Variants in CAMK1D observed in about 807,000 individuals in gnomAD.
CAMK1D encodes the protein calcium/calmodulin-dependent protein kinase type 1D.
Under a neutral mutation model 47.7 loss-of-function variants are expected in CAMK1D, and 9 were observed. That is an observed-to-expected ratio of 0.19 (90% confidence interval 0.11 to 0.33). CAMK1D has a LOEUF of 0.33. Ranked by LOEUF, CAMK1D falls within the 10% of genes least tolerant of loss-of-function variation. CAMK1D has a pLI of 1.00. For synonymous variants in CAMK1D, 184 were observed against 184.9 expected, an observed-to-expected ratio of 0.99 and a Z score of 0.04; for missense variants, 291 against 488.7, an observed-to-expected ratio of 0.60 and a Z score of 3.81.
intron 6 of CAMK1D, among the ~76,000 whole-genome samples, chr10:12,799,772 G>C (rs1435144238): frequency 1.3e-5 from 2 of 152,102 alleles, no homozygotes; most frequent in East Asian, 3.9e-4. Context: ...CACATGCTCC[G>C]GGCTTTCTCG....
At chr10:12,611,335 G>A (rs1259533963) in intron 2 of CAMK1D, among the ~76,000 whole-genome samples, 4 of 152,082 alleles carry the variant, frequency 2.6e-5, no homozygotes, top group East Asian at 3.9e-4. Flanking sequence ...CTAGAGCCTC[G>A]AAGTGCCCCC....
intron 1 of CAMK1D, among the ~76,000 whole-genome samples, chr10:12,505,864 CCT>C: frequency 6.6e-6 from 1 of 151,988 alleles, no homozygotes; most frequent in Admixed American, 6.6e-5. Flanking sequence ...TCATCTTCCT[CCT>C]CCTCCTCCTC....
intron 1 of CAMK1D, among the ~76,000 whole-genome samples, chr10:12,542,974 G>A (rs1177695871): frequency 1.3e-5 from 2 of 152,002 alleles, no homozygotes; most frequent in African/African-American, 4.8e-5. Flanking sequence ...TTGAACTCCT[G>A]ACCTCAGGTG....
At chr10:12,588,931 A>T (rs1295536799) in intron 2 of CAMK1D, among the ~76,000 whole-genome samples, 3 of 151,786 alleles carry the variant, frequency 2.0e-5, no homozygotes, top group Non-Finnish European at 2.9e-5. Flanking sequence ...CTATATATAC[A>T]TGTATACAAT....
At chr10:12,422,709 G>C (rs1840097384) in intron 1 of CAMK1D, among the ~76,000 whole-genome samples, 1 of 151,572 alleles carries the variant, frequency 6.6e-6, no homozygotes, top group African/African-American at 2.4e-5. Context: ...GTCTCAGTCT[G>C]TCGCCCAGGC....
intron 3 of CAMK1D, among the ~76,000 whole-genome samples, chr10:12,691,611 T>G (rs1344667828): frequency 6.6e-6 from 1 of 151,362 alleles, no homozygotes; most frequent in African/African-American, 2.4e-5. Flanking sequence ...ATTTTTTGTA[T>G]TTTTAGTAGA....
At chr10:12,564,513 T>C (rs1439056089) in intron 2 of CAMK1D, among the ~76,000 whole-genome samples, 2 of 152,042 alleles carry the variant, frequency 1.3e-5, no homozygotes. Flanking sequence ...GTTTGAAGAG[T>C]TGTTTACTGT....
chr10:12,674,599 C>CTTT (rs11391139), intron 3 of CAMK1D, among the ~76,000 whole-genome samples: 840 of 63,428 alleles, frequency 0.013, 78 homozygotes, highest in East Asian at 0.035. Flanking sequence ...TGGAAAAATG[C>CTTT]TTTTTTTTTT....
At chr10:12,709,312 G>A (rs1181559274) in intron 3 of CAMK1D, among the ~76,000 whole-genome samples, 1 of 152,112 alleles carries the variant, frequency 6.6e-6, no homozygotes, top group African/African-American at 2.4e-5. Context: ...TGCTAAGGCC[G>A]TGGTTGGAGG....
rs139922382 is a variant in CAMK1D, at chr10:12,400,605, A to G, written c.92+50695A>G. The stretch of plus-strand genomic sequence containing the variant: ...CAAATTTTAATCCCTACTAAATAGT[A>G]TATAAAATGTAATTGTCTTGATGTT... On this transcript the variant is annotated intron_variant, in intron 1 of 10. Coordinates refer to ENST00000619168, the MANE Select transcript of CAMK1D (RefSeq NM_153498.4). Among the ~76,000 whole-genome samples, 24 of 152,264 alleles carry G rather than the reference A, an allele frequency of 1.6e-4. No homozygotes were observed. The East Asian group carries it at 4.4e-3, about 28-fold the overall frequency.
intron 3 of CAMK1D, among the ~76,000 whole-genome samples, chr10:12,758,645 C>G (rs1836347709): frequency 6.6e-6 from 1 of 152,164 alleles, no homozygotes; most frequent in Non-Finnish European, 1.5e-5. Context: ...TTTTTTCATT[C>G]AGTAGAATTC....
intron 6 of CAMK1D, among the ~76,000 whole-genome samples, chr10:12,792,987 C>T (rs1041197258): frequency 1.1e-4 from 16 of 151,604 alleles, no homozygotes; most frequent in South Asian, 4.2e-4. Context: ...CACACACGCA[C>T]GCACACAATT....
chr10:12,611,739 G>A (rs1838632344), intron 2 of CAMK1D, among the ~76,000 whole-genome samples: 2 of 151,532 alleles, frequency 1.3e-5, no homozygotes, highest in African/African-American at 4.8e-5. Context: ...TTACAGACAC[G>A]TGCCACCACG....
chr10:12,582,491 C>G (rs1837691189), intron 2 of CAMK1D, among the ~76,000 whole-genome samples: 1 of 152,164 alleles, frequency 6.6e-6, no homozygotes, highest in African/African-American at 2.4e-5. Context: ...AATATTGATT[C>G]TACCTATCCA....
chr10:12,793,627 C>T (rs1212335431), intron 6 of CAMK1D, among the ~76,000 whole-genome samples: 1 of 152,220 alleles, frequency 6.6e-6, no homozygotes, highest in African/African-American at 2.4e-5. Context: ...TTGCAGACAG[C>T]CACCTTCTTG....
At chr10:12,501,994 C>T (rs1834718499) in intron 1 of CAMK1D, among the ~76,000 whole-genome samples, 1 of 152,126 alleles carries the variant, frequency 6.6e-6, no homozygotes, top group South Asian at 2.1e-4. Flanking sequence ...GAAGCCTGGA[C>T]TGTGCTGAGC....
chr10:12,788,057 TCAAATTCTTGACA>T (rs1284959821), intron 5 of CAMK1D, among the ~76,000 whole-genome samples: 1 of 152,254 alleles, frequency 6.6e-6, no homozygotes, highest in African/African-American at 2.4e-5. Context: ...ATATTCTTGT[TCAAATTCTTGACA>T]CAAATATGTA....
chr10:12,676,792 A>T (rs1006518645), intron 3 of CAMK1D, among the ~76,000 whole-genome samples: 1 of 152,218 alleles, frequency 6.6e-6, no homozygotes, highest in East Asian at 1.9e-4. Flanking sequence ...GATATTCGTT[A>T]TGATTCAAGA....
intron 5 of CAMK1D, among the ~76,000 whole-genome samples, chr10:12,782,463 A>G (rs915838757): frequency 2.0e-5 from 3 of 152,146 alleles, no homozygotes; most frequent in Admixed American, 6.5e-5. Context: ...ATTTTTCCTG[A>G]TCTTTAAGTT....
Sources: allele counts gnomAD v4.1 joint callset (sites outside exome capture counted in the v4.1 genomes callset), GRCh38; gene constraint gnomAD v4.1.1; transcripts MANE v1.5; gene names NCBI Gene and HGNC (gene_info 2026-07-23, HGNC 2026-07-21).